PLEC: variants seen among roughly 807,000 people sequenced by gnomAD.
PLEC encodes the protein hemidesmosomal protein 1.
Under a neutral mutation model 392.8 loss-of-function variants are expected in PLEC, and 216 were observed. The observed-to-expected ratio is 0.55, with a 90% CI of 0.49 to 0.62. The LOEUF is 0.62. PLEC is among the 20% of genes least tolerant of loss of function. The pLI is 0.00. For synonymous variants in PLEC, 3,621 were observed against 2,980.6 expected (o/e 1.21, Z -7.00); for missense variants, 6,863 against 6,563.4 (o/e 1.05, Z -1.58).
rs1833524182 is a variant in PLEC at position 143,973,263 on chromosome 8, T to C, written c.70+140A>G. 4.4e-5 allele frequency: 42 copies of C among 953,328 alleles called. No individual in the cohort carries two copies. Among genetic ancestry groups the C allele is most frequent in the Non-Finnish European group, 6.1e-5 (41 of 676,796 alleles). 59.1% of individuals were successfully genotyped at this position (953,328 alleles called of 1,614,324 possible). ...CCCCTTCCCTAGGCACTGGCAGCCG[T>C]TGGGGGCGATCCAGGCGGACGAGGC... On this transcript the variant is annotated intron_variant, in intron 1 of 31. Coordinates refer to the PLEC transcript ENST00000356346. This position sits in a 1 kb window ranked among gnomAD's most constrained non-coding sequence, Gnocchi z 5.6.
chr8:143,921,008 C>A lies in PLEC; in HGVS notation c.8813G>T (p.Arg2938Leu). The A allele has an allele frequency of 6.2e-7, 1 of 1,613,198 alleles. No individual in the cohort carries two copies. Among genetic ancestry groups the A allele is most frequent in the Non-Finnish European group, 8.5e-7 (1 of 1,180,028 alleles). ...GCGGAACTGCCGCAGCAGGTCCCGC[C>A]GCTGCTCTGCCGTGAAGTATTCCGA... ...INSEYFTAEQ[R>L]RDLLRQFRTG... The change falls in exon 32 of 32, where the codon CGG becomes CTG. Residue 2938 changes from arginine to leucine, a missense_variant. By Grantham distance (102) the Arg-to-Leu change is moderately radical. Coordinates refer to ENST00000345136, the MANE Select transcript of PLEC (RefSeq NM_201384.3).
At chr8:143,953,717 G>A, upstream of PLEC, 1 of 1,610,936 alleles carries the variant, frequency 6.2e-7, no homozygotes, top group Non-Finnish European at 8.5e-7. Context: ...CCCGGCCCCA[G>A]GACCGCACCT....
chr8:143,953,077 C>T (rs1832362445), upstream of PLEC, among the ~76,000 whole-genome samples: 1 of 149,950 alleles, frequency 6.7e-6, no homozygotes, highest in Non-Finnish European at 1.5e-5. Context: ...CCAGGCGTCC[C>T]CCAAGACCCC....
At chr8:143,926,467 A>G (rs1248177237) in intron 30 of PLEC, among the ~76,000 whole-genome samples, 1 of 152,212 alleles carries the variant, frequency 6.6e-6, no homozygotes, top group Non-Finnish European at 1.5e-5. Flanking sequence ...CAAAGGGTTG[A>G]GCGGAAAGGC....
chr8:143,957,960 C>T (rs1392277303), upstream of PLEC, among the ~76,000 whole-genome samples: 3 of 152,186 alleles, frequency 2.0e-5, no homozygotes, highest in Admixed American at 6.5e-5. Flanking sequence ...ACCTGGGGCC[C>T]CCGACAATAG....
chr8:143,934,965 G>A (rs1828592278), intron 8 of PLEC, 36 bp from the exon 9 acceptor site: 3 of 1,610,316 alleles, frequency 1.9e-6, no homozygotes, highest in South Asian at 1.1e-5. Context: ...AGGGGTCGTC[G>A]GGGCGTCCAG....
At chr8:143,939,699 GGCGGGAAGGAGCAA>G (rs1830069127), upstream of PLEC, 3 of 1,341,526 alleles carry the variant, frequency 2.2e-6, no homozygotes, top group Non-Finnish European at 2.9e-6. Context: ...GGAGTGTCCC[GGCGGGAAGGAGCAA>G]GCAGCCCCCT....
intron 1 of PLEC, 93 bp downstream of exon 1, chr8:143,939,257 G>C: frequency 6.7e-7 from 1 of 1,498,642 alleles, no homozygotes; most frequent in East Asian, 2.5e-5. Flanking sequence ...CAGCCCCCCA[G>C]CGGTGCCAAG....
At position 143,925,294 on chromosome 8, in the gene PLEC, C is replaced by T. The variant is rs76426116; in HGVS notation, c.4635G>A (p.Ala1545=). The T allele has an allele frequency of 1.3e-3, 2,057 of 1,573,334 alleles. 30 individuals carry two copies. The African/African-American group carries it at 0.025, about 19-fold the overall frequency. The change falls in exon 31 of 32, where the codon GCG becomes GCA. Residue 1545 remains alanine, a synonymous_variant. Transcript: ENST00000345136. ...LQALEELRLQ[A]EEAERRLRQA... ...GCCGCAGGCGCCGCTCCGCCTCCTC[C>T]GCCTGCAGCCGCAGCTCCTCCAGGG...
rs782492632 is a variant in PLEC, at chr8:143,917,205, C to T, written c.12616G>A (p.Asp4206Asn). 1.2e-5 allele frequency: 19 copies of T among 1,612,916 alleles called. No homozygotes were observed. The highest frequency in any genetic ancestry group is 1.5e-5 in the Non-Finnish European group (18 of 1,179,684). Residue 4206 changes from aspartate (D) to asparagine (N), a missense_variant, in exon 32 of 32, where the codon GAT (aspartate) becomes AAT (asparagine). By Grantham distance (23) the Asp-to-Asn change is conservative. Coordinates refer to ENST00000345136, the MANE Select transcript of PLEC (RefSeq NM_201384.3). ...DRRSGRQYDI[D>N]DAIAKNLIDR... ...ATGAGGTTCTTGGCGATGGCATCAT[C>T]GATGTCGTACTGGCGCCCGGAGCGG... is the stretch of plus-strand genomic sequence containing the variant.
chr8:143,933,778 C>T (rs1336082495), intron 12 of PLEC, among the ~76,000 whole-genome samples: 3 of 152,206 alleles, frequency 2.0e-5, no homozygotes, highest in Non-Finnish European at 4.4e-5. Context: ...GGTTCTGCCC[C>T]GTGGCCAGAA....
At chr8:143,974,668 C>T (rs1360968348), upstream of PLEC, among the ~76,000 whole-genome samples, 1 of 152,224 alleles carries the variant, frequency 6.6e-6, no homozygotes, top group Non-Finnish European at 1.5e-5. The surrounding 1 kb of genome is among the most constrained non-coding windows in gnomAD (Gnocchi z 5.9). Context: ...CCTAGCACAG[C>T]TCTAGGTCAC....
At chr8:143,956,274 C>T (rs1282911801), upstream of PLEC, among the ~76,000 whole-genome samples, 2 of 152,108 alleles carry the variant, frequency 1.3e-5, no homozygotes, top group African/African-American at 2.4e-5. Context: ...AGGATTAAAA[C>T]GCATAAAATG....
In PLEC at chr8:143,923,802, C is replaced by A. The variant is rs370881215; in HGVS notation, c.6127G>T (p.Ala2043Ser). The A allele has an allele frequency of 2.5e-5, 40 of 1,578,976 alleles. No homozygotes were observed. The African/African-American group carries it at 3.9e-4, about 15-fold the overall frequency. The change falls in exon 31 of 32, where the codon GCC becomes TCC. Residue 2043 changes from alanine to serine, a missense_variant. Transcript: ENST00000345136. Reference sequence around the variant, plus strand: ...TCTTCCGCCTGCAGCCGCTTCTGGGCGGCCTCCTGGGCCAGCTGCAGCTGC... The same window carrying A: ...TCTTCCGCCTGCAGCCGCTTCTGGGAGGCCTCCTGGGCCAGCTGCAGCTGC... ...ARQLQLAQEA[A>S]QKRLQAEEKA... is the part of the protein sequence containing the mutation.
At chr8:143,954,144 T>G (rs1460587433), upstream of PLEC, among the ~76,000 whole-genome samples, 2 of 126,126 alleles carry the variant, frequency 1.6e-5, no homozygotes, top group Admixed American at 1.9e-4. The surrounding 1 kb of genome is among the most constrained non-coding windows in gnomAD (Gnocchi z 4.6). Context: ...TAGAACAGCC[T>G]GTGGGACACA....
chr8:143,932,715 G>A lies in PLEC; in HGVS notation c.1738-3C>T, dbSNP rs782056762. 80 of 1,606,882 alleles carry A rather than the reference G, an allele frequency of 5.0e-5. No homozygotes were observed. The highest frequency in any genetic ancestry group is 5.9e-6 in the Non-Finnish European group (7 of 1,177,400). ...CGGGTGGCGGGGGAGAGCTGGCCCT[G>A]CAACAGATGAGACGGTGAGGTCTGC... On this transcript the variant is annotated splice_region_variant and splice_polypyrimidine_tract_variant and intron_variant, in intron 14 of 31. Coordinates refer to ENST00000345136, the MANE Select transcript of PLEC (RefSeq NM_201384.3).
At chr8:143,928,123 C>T (rs1180876829) in intron 25 of PLEC, 131 bp from the exon 26 acceptor site, 1 of 1,124,530 alleles carries the variant, frequency 8.9e-7, no homozygotes, top group African/African-American at 1.6e-5. Context: ...TCAGCTGACC[C>T]TGTGGTCAGA....
chr8:143,926,937 C>G, intron 29 of PLEC, 40 bp downstream of exon 29: 1 of 1,605,380 alleles, frequency 6.2e-7, no homozygotes, highest in Non-Finnish European at 8.5e-7. Flanking sequence ...AGCCAGAGGC[C>G]TGCCAGCCCC....
chr8:143,974,851 T>C (rs1554745488), upstream of PLEC, among the ~76,000 whole-genome samples: 1 of 152,216 alleles, frequency 6.6e-6, no homozygotes, highest in African/African-American at 2.4e-5. The surrounding 1 kb of genome is among the most constrained non-coding windows in gnomAD (Gnocchi z 5.9). Flanking sequence ...CATTCCCACC[T>C]GGCCGCCATT....
Sources: allele counts gnomAD v4.1 joint callset (sites outside exome capture counted in the v4.1 genomes callset), GRCh38; gene constraint gnomAD v4.1.1; non-coding constraint Gnocchi (gnomAD v3.1); transcripts MANE v1.5; gene names NCBI Gene and HGNC (gene_info 2026-07-23, HGNC 2026-07-21).